FBLN7: variants seen among roughly 807,000 people sequenced by gnomAD.
The protein encoded by FBLN7 is fibulin 7, also known as fibulin-7.
Under a neutral mutation model 44.0 loss-of-function variants are expected in FBLN7, and 31 were observed. The observed-to-expected ratio is 0.70, with a 90% confidence interval of 0.53 to 0.95. FBLN7 has a LOEUF of 0.95. Ranked by LOEUF, FBLN7 falls within the 40% of genes least tolerant of loss-of-function variation. FBLN7 has a pLI of 0.00. For missense variants in FBLN7, 573 were observed against 618.5 expected, an observed-to-expected ratio of 0.93 and a Z score of 0.78; for synonymous variants, 262 against 253.4, an observed-to-expected ratio of 1.03 and a Z score of -0.32.
intron 1 of FBLN7, among the ~76,000 whole-genome samples, chr2:112,143,386 G>A (rs896746652): frequency 6.6e-5 from 10 of 152,166 alleles, no homozygotes; most frequent in Admixed American, 1.3e-4. Context: ...TGTGTGGGGA[G>A]CTGCTATGGT....
rs139244007 is a variant in FBLN7, at chr2:112,158,840, G to A, written c.76-836G>A. Among the ~76,000 whole-genome samples, 152 of 152,248 alleles carry A rather than the reference G, an allele frequency of 1.0e-3. 1 individual carries two copies. Among genetic ancestry groups the A allele is most frequent in the African/African-American group, 3.5e-3 (145 of 41,528 alleles). ...TCCACCCACCTTGACCACCCAAAGT[G>A]CTGGGATTACAGGCATGAGCCACCG... On this transcript the variant is annotated intron_variant, in intron 1 of 7. Transcript: ENST00000331203.
chr2:112,145,997 C>T (rs1203629564), intron 1 of FBLN7, among the ~76,000 whole-genome samples: 1 of 152,204 alleles, frequency 6.6e-6, no homozygotes, highest in African/African-American at 2.4e-5. Context: ...TTTTCATTAA[C>T]ATTTCAGAAT....
Position 112,187,377 on chromosome 2 carries a change from C to G in FBLN7, c.1191C>G (p.Ile397Met). 5 of 1,614,194 alleles carry G rather than the reference C, an allele frequency of 3.1e-6. No individual in the cohort carries two copies. The highest frequency in any genetic ancestry group is 4.2e-6 in the Non-Finnish European group (5 of 1,180,040). ...CAGACCGGCAGACTGGGGATCTGAT[C>G]CTTGTGCAGAACCTGGAGGGGCCTC... is the stretch of plus-strand genomic sequence containing the variant. ...QRSDRQTGDL[I>M]LVQNLEGPQT... The change falls in exon 8 of 8, where the codon ATC (isoleucine) becomes ATG (methionine). Residue 397 changes from isoleucine to methionine, a missense_variant. Transcript: ENST00000331203. The surrounding 1 kb of genome is among the most constrained non-coding windows in gnomAD (Gnocchi z 5.1).
At chr2:112,222,421 G>A in the FBLN7 span, among the ~76,000 whole-genome samples, 1 of 152,262 alleles carries the variant, frequency 6.6e-6, no homozygotes, top group Admixed American at 6.5e-5. Context: ...CCTGCTGTCT[G>A]GGTGTTTCCA....
At chr2:112,180,922 CAAAAAAAAAA>C (rs60214148) in intron 4 of FBLN7, among the ~76,000 whole-genome samples, 1 of 74,310 alleles carries the variant, frequency 1.3e-5, no homozygotes, top group South Asian at 5.4e-4. Flanking sequence ...GACTCTGTCT[CAAAAAAAAAA>C]AAAAAAAAAA....
the FBLN7 span, among the ~76,000 whole-genome samples, chr2:112,209,952 G>A: frequency 6.6e-6 from 1 of 152,054 alleles, no homozygotes. Flanking sequence ...TGGAGCCGGA[G>A]CACCAAGTGG....
At chr2:112,186,259 C>G (rs1056241007) in intron 7 of FBLN7, among the ~76,000 whole-genome samples, 1 of 152,160 alleles carries the variant, frequency 6.6e-6, no homozygotes, top group African/African-American at 2.4e-5. Context: ...TTGCATTTGT[C>G]TTTTAACAAC....
At chr2:112,181,022 C>A (rs1193575682) in intron 4 of FBLN7, among the ~76,000 whole-genome samples, 1 of 150,938 alleles carries the variant, frequency 6.6e-6, no homozygotes, top group African/African-American at 2.4e-5. Flanking sequence ...AGAATGAGAT[C>A]ATGTCTTTTG....
intron 3 of FBLN7, among the ~76,000 whole-genome samples, chr2:112,170,114 C>T (rs891189755): frequency 8.6e-5 from 13 of 151,914 alleles, no homozygotes; most frequent in Admixed American, 5.2e-4. Context: ...TGGTGGCAGG[C>T]GCCTGTAATC....
chr2:112,163,985 A>G (rs1682008111), intron 2 of FBLN7, among the ~76,000 whole-genome samples: 1 of 152,144 alleles, frequency 6.6e-6, no homozygotes, highest in South Asian at 2.1e-4. Flanking sequence ...CTTCACCTTC[A>G]ACTCGTTCTG....
chr2:112,215,211 A>AT, the FBLN7 span: 11 of 152,206 alleles, frequency 7.2e-5, no homozygotes, highest in South Asian at 6.2e-4. Context: ...TTCCCTTTCT[A>AT]TGCAATGAAT....
At chr2:112,167,814 C>T (rs1046192156) in intron 3 of FBLN7, among the ~76,000 whole-genome samples, 1 of 151,244 alleles carries the variant, frequency 6.6e-6, no homozygotes, top group Non-Finnish European at 1.5e-5. Context: ...TGACTGCCAG[C>T]CACAGGCAAA....
the FBLN7 span, among the ~76,000 whole-genome samples, chr2:112,240,849 C>T: frequency 6.6e-6 from 1 of 151,968 alleles, no homozygotes. Flanking sequence ...ATGATTACAT[C>T]CCCTTTCTCC....
chr2:112,213,196 C>T, the FBLN7 span: 5 of 152,064 alleles, frequency 3.3e-5, no homozygotes, highest in Admixed American at 3.3e-4. Context: ...TCTCAAACTC[C>T]TGAACTCAAG....
At chr2:112,170,247 A>G (rs1035614010) in intron 3 of FBLN7, among the ~76,000 whole-genome samples, 3 of 149,290 alleles carry the variant, frequency 2.0e-5, no homozygotes, top group South Asian at 2.1e-4. Flanking sequence ...CATCTCAAAC[A>G]AAACAAAACA....
Position 112,175,769 on chromosome 2 carries a change from A to G in FBLN7, c.462A>G (p.Gly154=). 6.2e-7 allele frequency: 1 copy of G among 1,614,214 alleles called. No individual in the cohort carries two copies. Among genetic ancestry groups the G allele is most frequent in the Non-Finnish European group, 8.5e-7 (1 of 1,180,030 alleles). ...PCQNGGTCVE[G]VNQYRCICPP... is the part of the protein sequence containing the mutation. Reference sequence around the variant, plus strand: ...AAAATGGTGGTACATGTGTAGAAGGAGTCAACCAGTACAGATGCATTTGTC... The same window carrying G: ...AAAATGGTGGTACATGTGTAGAAGGGGTCAACCAGTACAGATGCATTTGTC... Residue 154 remains glycine, a synonymous_variant, in exon 4 of 8, where the codon GGA becomes GGG. Coordinates refer to ENST00000331203, the MANE Select transcript of FBLN7 (RefSeq NM_153214.3).
At chr2:112,163,574 A>G (rs1681986269) in intron 2 of FBLN7, among the ~76,000 whole-genome samples, 1 of 152,210 alleles carries the variant, frequency 6.6e-6, no homozygotes, top group Admixed American at 6.5e-5. Flanking sequence ...TCTCTCTCCA[A>G]CCACATCAGT....
At chr2:112,186,506 G>C (rs1477207100) in intron 7 of FBLN7, among the ~76,000 whole-genome samples, 1 of 152,154 alleles carries the variant, frequency 6.6e-6, no homozygotes, top group African/African-American at 2.4e-5. Flanking sequence ...TGGGCGTGGT[G>C]GTGGGCACCT....
chr2:112,157,092 G>A (rs1681468947), intron 1 of FBLN7, among the ~76,000 whole-genome samples: 1 of 152,212 alleles, frequency 6.6e-6, no homozygotes, highest in South Asian at 2.1e-4. Context: ...AATTAAGACT[G>A]GGTGCGGTGG....
Sources: allele counts gnomAD v4.1 joint callset (sites outside exome capture counted in the v4.1 genomes callset), GRCh38; gene constraint gnomAD v4.1.1; non-coding constraint Gnocchi (gnomAD v3.1); transcripts MANE v1.5; gene names NCBI Gene and HGNC (gene_info 2026-07-23, HGNC 2026-07-21).